PCDHGA6: variants seen among roughly 807,000 people sequenced by gnomAD.
The protein encoded by PCDHGA6 is protocadherin gamma subfamily A, 6, also known as protocadherin gamma-A6.
Under a neutral mutation model 60.6 loss-of-function variants are expected in PCDHGA6, and 41 were observed. That is an observed-to-expected ratio of 0.68 (90% CI 0.53 to 0.88). The LOEUF (loss-of-function observed/expected upper bound fraction) is 0.88. Among genes scored for constraint, PCDHGA6 ranks in the 40% least tolerant of loss-of-function variants. The pLI is 0.00. For synonymous variants in PCDHGA6, 594 were observed against 524.4 expected (o/e 1.13, Z -1.81); for missense variants, 1,312 against 1,203.0 (o/e 1.09, Z -1.34).
intron 1 of PCDHGA6, chr5:141,430,780 C>T: frequency 6.6e-7 from 1 of 1,511,476 alleles, no homozygotes; most frequent in Non-Finnish European, 8.8e-7. Flanking sequence ...CGCGACTGCA[C>T]CGGGACTACA....
chr5:141,402,825 A>G, intron 1 of PCDHGA6: 1 of 1,320,620 alleles, frequency 7.6e-7, no homozygotes, highest in Non-Finnish European at 1.0e-6. Flanking sequence ...ACCTGCTCCC[A>G]GGCTGCAGCA....
At chr5:141,398,977 A>G (rs761532339) in intron 1 of PCDHGA6, 2 of 1,613,952 alleles carry the variant, frequency 1.2e-6, no homozygotes, top group Non-Finnish European at 1.7e-6. Context: ...CTTCTACAGA[A>G]CCGGGCAAAT....
rs1160642304 is a variant in PCDHGA6 at position 141,415,415 on chromosome 5, T to C, written c.2424+38908T>C. 7 of 1,614,084 alleles carry C rather than the reference T, an allele frequency of 4.3e-6. No individual in the cohort carries two copies. In the Admixed American group the frequency reaches 8.3e-5, roughly 19 times the overall value. Reference sequence around the variant, plus strand: ...GTGTCCGGCTCGCACTTTGTGGGCGTGGACGGGGTTCGGGCTTTCCTGCAG... The same window carrying C: ...GTGTCCGGCTCGCACTTTGTGGGCGCGGACGGGGTTCGGGCTTTCCTGCAG... On this transcript the variant is annotated intron_variant, in intron 1 of 3. Coordinates refer to ENST00000517434, the MANE Select transcript of PCDHGA6 (RefSeq NM_018919.3).
chr5:141,414,134 A>G, intron 1 of PCDHGA6: 1 of 1,595,028 alleles, frequency 6.3e-7, no homozygotes, highest in Non-Finnish European at 8.5e-7. Flanking sequence ...GGTTTCTATG[A>G]AATAGAAATA....
chr5:141,492,833 C>T (rs951935267), intron 1 of PCDHGA6, among the ~76,000 whole-genome samples: 2 of 152,222 alleles, frequency 1.3e-5, no homozygotes, highest in African/African-American at 4.8e-5. Flanking sequence ...CCCTTCCTCC[C>T]GCAGGAAGTG....
intron 1 of PCDHGA6, chr5:141,377,576 A>G (rs1241799520): frequency 1.3e-5 from 2 of 151,642 alleles, no homozygotes; most frequent in African/African-American, 2.4e-5. Context: ...AGCCTGGGAG[A>G]CAGAATGAGA....
chr5:141,375,266 G>C lies in PCDHGA6; in HGVS notation c.1183G>C (p.Glu395Gln). 6.2e-7 allele frequency: 1 copy of C among 1,613,846 alleles called. No homozygotes were observed. Residue 395 changes from glutamate (E) to glutamine (Q), a missense_variant, in exon 1 of 4, where the codon GAA (glutamate) becomes CAA (glutamine). Transcript: ENST00000517434. The stretch of plus-strand genomic sequence containing the variant: ...CCCGAGAAGTCTCCCATTTGAATTG[G>C]AAAAATCAGTTGGCAATTATTATCG... ...SIPRSLPFEL[E>Q]KSVGNYYRLV...
At chr5:141,389,338 T>C in intron 1 of PCDHGA6, 1 of 1,613,982 alleles carries the variant, frequency 6.2e-7, no homozygotes, top group South Asian at 1.1e-5. Flanking sequence ...AACGGCCAAG[T>C]CTCTTACTGC....
At chr5:141,409,885 G>A in intron 1 of PCDHGA6, 1 of 1,613,110 alleles carries the variant, frequency 6.2e-7, no homozygotes. Flanking sequence ...ACGCACCGCG[G>A]GTGCTGTACC....
chr5:141,431,049 T>C lies in PCDHGA6; in HGVS notation c.2424+54542T>C, dbSNP rs1226000576. On this transcript the variant is annotated intron_variant, in intron 1 of 3. Coordinates refer to ENST00000517434, the MANE Select transcript of PCDHGA6 (RefSeq NM_018919.3). The surrounding 1 kb of genome is among the most constrained non-coding windows in gnomAD (Gnocchi z 4.8). Reference sequence around the variant, plus strand: ...AGGATAGACCGGGAGGAGCTCTGTATGGGGGCCATCAAGTGTCAATTAAAT... The same window carrying C: ...AGGATAGACCGGGAGGAGCTCTGTACGGGGGCCATCAAGTGTCAATTAAAT... The C allele has an allele frequency of 6.2e-7, 1 of 1,614,162 alleles. No homozygotes were observed. Among genetic ancestry groups the C allele is most frequent in the Non-Finnish European group, 8.5e-7 (1 of 1,180,014 alleles).
In PCDHGA6 at chr5:141,491,723, G is replaced by A. The variant is rs764792125; in HGVS notation, c.2425-3084G>A. The A allele has an allele frequency of 1.7e-5, 27 of 1,606,770 alleles. No individual in the cohort carries two copies. In the African/African-American group the frequency reaches 3.2e-4, roughly 19 times the overall value. On this transcript the variant is annotated intron_variant, in intron 1 of 3. Coordinates refer to ENST00000517434, the MANE Select transcript of PCDHGA6 (RefSeq NM_018919.3). The surrounding 1 kb of genome is among the most constrained non-coding windows in gnomAD (Gnocchi z 6.9). The stretch of plus-strand genomic sequence containing the variant: ...CAGGTGAGGGGCTCGGCGCCGCCCC[G>A]GGCGACCCCTGGGGGCGGCACTGGA...
At chr5:141,413,215 T>C in intron 1 of PCDHGA6, 1 of 1,613,350 alleles carries the variant, frequency 6.2e-7, no homozygotes, top group Non-Finnish European at 8.5e-7. Context: ...ATCAAAGGAT[T>C]GCAGCGGGCT....
At chr5:141,466,556 T>C (rs1398776914) in intron 1 of PCDHGA6, among the ~76,000 whole-genome samples, 1 of 152,222 alleles carries the variant, frequency 6.6e-6, no homozygotes, top group Non-Finnish European at 1.5e-5. Context: ...TGCTGTGGGC[T>C]TCATCTTCAA....
At chr5:141,481,860 G>A (rs1379910129) in intron 1 of PCDHGA6, among the ~76,000 whole-genome samples, 1 of 148,492 alleles carries the variant, frequency 6.7e-6, no homozygotes, top group Non-Finnish European at 1.5e-5. Context: ...GTTGCAGTGA[G>A]CCGAGATCGC....
At chr5:141,450,014 T>A (rs867473620) in intron 1 of PCDHGA6, among the ~76,000 whole-genome samples, 7,114 of 149,588 alleles carry the variant, frequency 0.048, 422 homozygotes, top group African/African-American at 0.13. Context: ...CTCTTTTTTT[T>A]TTTTTTTTTT....
Position 141,432,562 on chromosome 5 carries a change from C to G in PCDHGA6, c.2424+56055C>G. On this transcript the variant is annotated intron_variant, in intron 1 of 3. Coordinates refer to ENST00000517434, the MANE Select transcript of PCDHGA6 (RefSeq NM_018919.3). The surrounding 1 kb of genome is among the most constrained non-coding windows in gnomAD (Gnocchi z 6.0). ...CGGTGGACAGAGACTCCGGCCAGAA[C>G]GCCTGGCTGTCCTACCGTCTGCTCA... 1 of 1,613,964 alleles carries G rather than the reference C, an allele frequency of 6.2e-7. No homozygotes were observed. Among genetic ancestry groups the G allele is most frequent in the Non-Finnish European group, 8.5e-7 (1 of 1,180,004 alleles).
Position 141,418,146 on chromosome 5 carries a change from G to A in PCDHGA6, c.2424+41639G>A, listed in dbSNP as rs755513829. The A allele has an allele frequency of 1.1e-5, 18 of 1,613,970 alleles. No homozygotes were observed. In the South Asian group the frequency reaches 1.6e-4, roughly 15 times the overall value. ...GACCGAATAGACCGTGAGCAAATAT[G>A]CAAAGAGAGAAGAAGATGTGAGTTG... is the stretch of plus-strand genomic sequence containing the variant. On this transcript the variant is annotated intron_variant, in intron 1 of 3. Transcript: ENST00000517434.
chr5:141,423,474 T>C, intron 1 of PCDHGA6: 1 of 1,614,004 alleles, frequency 6.2e-7, no homozygotes, highest in Non-Finnish European at 8.5e-7. Flanking sequence ...GGGTACAGGC[T>C]TTCCTGCAAA....
rs571984924 is a variant in PCDHGA6 at position 141,383,845 on chromosome 5, G to T, written c.2424+7338G>T. ...AGATTATGAAGAAACTGCCTTCTAT[G>T]AAATGGAGGTTCAGGCTCAAGATGG... On this transcript the variant is annotated intron_variant, in intron 1 of 3. Coordinates refer to ENST00000517434, the MANE Select transcript of PCDHGA6 (RefSeq NM_018919.3). The T allele has an allele frequency of 1.6e-4, 259 of 1,613,938 alleles. 1 individual carries two copies. The South Asian group carries it at 2.6e-3, about 16-fold the overall frequency.
Sources: allele counts gnomAD v4.1 joint callset (sites outside exome capture counted in the v4.1 genomes callset), GRCh38; gene constraint gnomAD v4.1.1; non-coding constraint Gnocchi (gnomAD v3.1); transcripts MANE v1.5; gene names NCBI Gene and HGNC (gene_info 2026-07-23, HGNC 2026-07-21).